The following GRK5 variants were observed in gnomAD, a reference collection of about 807,000 sequenced individuals.
The protein encoded by GRK5 is g protein-coupled receptor kinase GRK5.
GRK5 carries 40 observed loss-of-function variants against 78.4 expected under a neutral mutation model. That is an observed-to-expected ratio of 0.51 (90% CI 0.40 to 0.66). The LOEUF (loss-of-function observed/expected upper bound fraction) is 0.66, where lower values mean the gene tolerates loss of function less well. Among genes scored for constraint, GRK5 ranks in the 30% least tolerant of loss-of-function variants. GRK5 has a pLI of 0.00. For missense variants in GRK5, 598 were observed against 759.9 expected (o/e 0.79, Z 2.50); for synonymous variants, 289 against 296.8 (o/e 0.97, Z 0.27).
chr10:119,423,020 G>A, intron 4 of GRK5, 146 bp from the exon 5 acceptor site: 2 of 677,862 alleles, frequency 3.0e-6, no homozygotes, highest in East Asian at 5.0e-5. Context: ...GGAGGGGGCA[G>A]CAGGTCACAC....
At chr10:119,405,894 G>A (rs569588231) in intron 4 of GRK5, among the ~76,000 whole-genome samples, 6 of 152,134 alleles carry the variant, frequency 3.9e-5, no homozygotes, top group Non-Finnish European at 8.8e-5. Flanking sequence ...AAATAGATGC[G>A]TTTTAAAAGG....
chr10:119,272,061 G>A (rs183713877), intron 1 of GRK5, among the ~76,000 whole-genome samples: 3 of 152,254 alleles, frequency 2.0e-5, no homozygotes, highest in East Asian at 1.9e-4. Flanking sequence ...AGGCTGACGC[G>A]GCCCTCCTAG....
intron 2 of GRK5, among the ~76,000 whole-genome samples, chr10:119,370,450 T>C (rs1253559637): frequency 6.6e-6 from 1 of 152,208 alleles, no homozygotes; most frequent in Non-Finnish European, 1.5e-5. Flanking sequence ...CAGGGCTTGG[T>C]TTGGGTGTGT....
At chr10:119,350,708 A>G (rs908934545) in intron 2 of GRK5, among the ~76,000 whole-genome samples, 1 of 152,226 alleles carries the variant, frequency 6.6e-6, no homozygotes, top group East Asian at 1.9e-4. Flanking sequence ...CCAGGCTGCC[A>G]TGGAGTGGAT....
At chr10:119,409,021 G>A (rs1203297962) in intron 4 of GRK5, among the ~76,000 whole-genome samples, 1 of 152,176 alleles carries the variant, frequency 6.6e-6, no homozygotes, top group Non-Finnish European at 1.5e-5. Flanking sequence ...TGTAGCAGGG[G>A]GCAAGCAGCA....
At chr10:119,429,496 C>G (rs1447232883) in intron 6 of GRK5, among the ~76,000 whole-genome samples, 1 of 150,838 alleles carries the variant, frequency 6.6e-6, no homozygotes, top group East Asian at 1.9e-4. Flanking sequence ...ACCAGCAATG[C>G]AAACCACAAG....
At position 119,448,230 on chromosome 10, in the gene GRK5, C is replaced by G; in HGVS notation, c.1374C>G (p.Ala458=). 6.3e-7 allele frequency: 1 copy of G among 1,597,612 alleles called. No individual in the cohort carries two copies. The highest frequency in any genetic ancestry group is 8.5e-7 in the Non-Finnish European group (1 of 1,172,992). Residue 458 remains alanine, a synonymous_variant, in exon 13 of 16, where the codon GCC becomes GCG. Coordinates refer to ENST00000392870, the MANE Select transcript of GRK5 (RefSeq NM_005308.3). ...ACATGAACTTCAAGCGCTTAGAAGCCGGGATGTTGGACCCTCCCTTCGTTC... is the reference window on the plus strand; with the variant it reads ...ACATGAACTTCAAGCGCTTAGAAGCGGGGATGTTGGACCCTCCCTTCGTTC... The part of the protein sequence containing the change: ...FRNMNFKRLE[A]GMLDPPFVPD...
chr10:119,266,411 C>T (rs923391299), intron 1 of GRK5, among the ~76,000 whole-genome samples: 1 of 151,732 alleles, frequency 6.6e-6, no homozygotes, highest in Admixed American at 6.6e-5. Flanking sequence ...AGCAGTGAGC[C>T]GAGATGGCGC....
intron 15 of GRK5, among the ~76,000 whole-genome samples, chr10:119,454,240 A>T (rs2133922865): frequency 6.6e-6 from 1 of 152,322 alleles, no homozygotes; most frequent in East Asian, 1.9e-4. Flanking sequence ...GGGTCCTAGA[A>T]AAAGAAATTA....
intron 2 of GRK5, among the ~76,000 whole-genome samples, chr10:119,373,606 A>T (rs1180926026): frequency 2.0e-5 from 3 of 152,158 alleles, no homozygotes; most frequent in African/African-American, 7.2e-5. Context: ...CCAGTCAGGT[A>T]TGTCTTTATT....
At chr10:119,301,691 C>T (rs1850183838) in intron 1 of GRK5, among the ~76,000 whole-genome samples, 1 of 152,228 alleles carries the variant, frequency 6.6e-6, no homozygotes, top group Non-Finnish European at 1.5e-5. Context: ...TTTTGAGTCA[C>T]TTTGACCACG....
At chr10:119,388,800 T>C (rs1276910871) in intron 3 of GRK5, among the ~76,000 whole-genome samples, 1 of 152,262 alleles carries the variant, frequency 6.6e-6, no homozygotes, top group Non-Finnish European at 1.5e-5. Flanking sequence ...TGCAGTCATC[T>C]GAAGGCTTGA....
chr10:119,375,901 G>A (rs1851613864), intron 2 of GRK5, among the ~76,000 whole-genome samples: 1 of 152,240 alleles, frequency 6.6e-6, no homozygotes, highest in Non-Finnish European at 1.5e-5. Context: ...GAGCCCACAG[G>A]CCACAATAGC....
At chr10:119,414,645 G>T (rs1252617013) in intron 4 of GRK5, among the ~76,000 whole-genome samples, 1 of 152,196 alleles carries the variant, frequency 6.6e-6, no homozygotes, top group Admixed American at 6.5e-5. Context: ...GTGCCCTTGA[G>T]CAAGTTACTT....
At chr10:119,351,885 T>TA (rs1338704347) in intron 2 of GRK5, among the ~76,000 whole-genome samples, 1 of 152,232 alleles carries the variant, frequency 6.6e-6, no homozygotes, top group Non-Finnish European at 1.5e-5. Flanking sequence ...ACATGACTAG[T>TA]AAGTGAGGGA....
intron 1 of GRK5, among the ~76,000 whole-genome samples, chr10:119,252,584 G>A (rs1004654267): frequency 2.6e-5 from 4 of 152,162 alleles, no homozygotes; most frequent in Admixed American, 2.0e-4. Context: ...TGCAAATAGT[G>A]TCTTCCTTCT....
intron 1 of GRK5, among the ~76,000 whole-genome samples, chr10:119,273,495 C>A (rs917681269): frequency 8.5e-5 from 13 of 152,152 alleles, no homozygotes; most frequent in Non-Finnish European, 1.5e-5. Context: ...ATGTCTGGGG[C>A]AGGGTGCTAG....
At chr10:119,282,824 C>T (rs2133691819) in intron 1 of GRK5, among the ~76,000 whole-genome samples, 2 of 152,332 alleles carry the variant, frequency 1.3e-5, no homozygotes, top group Middle Eastern at 6.8e-3. Flanking sequence ...TTCTCCTGCC[C>T]AACATGAATG....
intron 3 of GRK5, among the ~76,000 whole-genome samples, chr10:119,394,296 GTGTGTC>G (rs1482526992): frequency 9.6e-5 from 4 of 41,582 alleles, no homozygotes; most frequent in Admixed American, 1.6e-4. Context: ...GTGTGTATCT[GTGTGTC>G]TGTGTGGGCA....
Sources: allele counts gnomAD v4.1 joint callset (sites outside exome capture counted in the v4.1 genomes callset), GRCh38; gene constraint gnomAD v4.1.1; transcripts MANE v1.5; gene names NCBI Gene and HGNC (gene_info 2026-07-23, HGNC 2026-07-21).